The following MAP4K3 variants were observed in gnomAD, a reference collection of about 807,000 sequenced individuals.
MAP4K3 encodes the protein mitogen-activated protein kinase kinase kinase kinase 3, also known as MAPK/ERK kinase kinase kinase 3.
A neutral mutation model predicts 143.5 loss-of-function variants in MAP4K3; 94 were observed. The ratio of observed to expected loss-of-function variants is 0.65; its 90% confidence interval spans 0.55 to 0.78. MAP4K3 has a LOEUF of 0.78. Ranked by LOEUF, MAP4K3 falls within the 30% of genes least tolerant of loss-of-function variation. MAP4K3 has a pLI of 0.00. For missense variants in MAP4K3, 1,077 were observed against 1,068.1 expected, an observed-to-expected ratio of 1.01 and a Z score of -0.12; for synonymous variants, 416 against 347.2, an observed-to-expected ratio of 1.20 and a Z score of -2.20.
intron 24 of MAP4K3, among the ~76,000 whole-genome samples, chr2:39,277,970 A>G (rs927281346): frequency 8.0e-5 from 12 of 150,728 alleles, no homozygotes; most frequent in African/African-American, 2.9e-4. Context: ...AACATGGTGA[A>G]ACCCTATCTC....
chr2:39,427,545 T>C (rs1414397348), intron 1 of MAP4K3, among the ~76,000 whole-genome samples: 1 of 152,026 alleles, frequency 6.6e-6, no homozygotes, highest in Non-Finnish European at 1.5e-5. Flanking sequence ...AACAGTAAGG[T>C]AGTGAATGAA....
chr2:39,389,994 C>T (rs569489397), intron 1 of MAP4K3, among the ~76,000 whole-genome samples: 10 of 152,098 alleles, frequency 6.6e-5, no homozygotes, highest in Admixed American at 2.6e-4. Flanking sequence ...ATACAGTTTG[C>T]GAAGTGGACA....
At chr2:39,373,583 T>C (rs1177847923) in intron 2 of MAP4K3, among the ~76,000 whole-genome samples, 1 of 152,194 alleles carries the variant, frequency 6.6e-6, no homozygotes, top group Admixed American at 6.5e-5. Flanking sequence ...GATACATACG[T>C]ACAATGGAGT....
At chr2:39,435,548 C>T (rs977413725) in intron 1 of MAP4K3, among the ~76,000 whole-genome samples, 1 of 152,202 alleles carries the variant, frequency 6.6e-6, no homozygotes, top group African/African-American at 2.4e-5. Flanking sequence ...ATACCCTAAA[C>T]AGGATCAGGT....
intron 3 of MAP4K3, among the ~76,000 whole-genome samples, chr2:39,352,663 C>T (rs1665493671): frequency 6.6e-6 from 1 of 152,038 alleles, no homozygotes; most frequent in Non-Finnish European, 1.5e-5. Flanking sequence ...TAGGAAAGGT[C>T]TTGTTAAGAA....
Position 39,250,549 on chromosome 2 carries a change from A to T in MAP4K3, c.*69T>A. ...GTTACTGCAGCTTTTGTACAGCTTC[A>T]AGCATCCATTAATGTTGCAGTGGTA... On this transcript the variant is annotated 3_prime_UTR_variant, in exon 34 of 34. Coordinates refer to ENST00000263881, the MANE Select transcript of MAP4K3 (RefSeq NM_003618.4). 1 of 1,394,038 alleles carries T rather than the reference A, an allele frequency of 7.2e-7. No individual in the cohort carries two copies. Among genetic ancestry groups the T allele is most frequent in the Non-Finnish European group, 1.0e-6 (1 of 989,510 alleles). The allele number at this position is 1,394,038 out of a possible 1,614,324, so 86.4% of individuals were successfully genotyped here. A position where few individuals can be genotyped will look rare whatever the true frequency, so the allele number is the denominator to read the frequency against.
At chr2:39,272,162 TTATTA>T in intron 26 of MAP4K3, 116 bp downstream of exon 26, 1 of 717,346 alleles carries the variant, frequency 1.4e-6, no homozygotes, top group South Asian at 2.0e-5. Flanking sequence ...TGTATATTAC[TTATTA>T]TTTTTTCATC....
At chr2:39,402,103 G>A (rs1666968011) in intron 1 of MAP4K3, among the ~76,000 whole-genome samples, 1 of 151,806 alleles carries the variant, frequency 6.6e-6, no homozygotes. Flanking sequence ...ATAGAAACAC[G>A]GACTACGAAA....
At chr2:39,332,054 A>G (rs1683701981) in intron 7 of MAP4K3, 65 bp from the exon 8 acceptor site, 1 of 873,794 alleles carries the variant, frequency 1.1e-6, no homozygotes, top group Non-Finnish European at 1.8e-6. Flanking sequence ...AGGCAACATA[A>G]AAAGAAACTT....
chr2:39,372,580 GA>G (rs1176493107), intron 2 of MAP4K3, among the ~76,000 whole-genome samples: 1 of 151,420 alleles, frequency 6.6e-6, no homozygotes, highest in African/African-American at 2.4e-5. Context: ...CATGCTGCTG[GA>G]AAAACAGATA....
intron 15 of MAP4K3, among the ~76,000 whole-genome samples, chr2:39,301,559 A>C (rs1682511612): frequency 6.6e-6 from 1 of 152,218 alleles, no homozygotes; most frequent in African/African-American, 2.4e-5. Flanking sequence ...CTTTAATCAA[A>C]TGACAGCTTC....
chr2:39,415,539 G>A (rs1379210660), intron 1 of MAP4K3, among the ~76,000 whole-genome samples: 5 of 151,986 alleles, frequency 3.3e-5, no homozygotes, highest in East Asian at 1.9e-4. Flanking sequence ...CTTCAATGAG[G>A]ATCAATCACA....
chr2:39,334,536 G>C (rs1395479175), intron 6 of MAP4K3, among the ~76,000 whole-genome samples: 1 of 152,106 alleles, frequency 6.6e-6, no homozygotes, highest in Non-Finnish European at 1.5e-5. Context: ...GGAATAGTAG[G>C]GGAAGGAGAA....
At chr2:39,369,491 T>C (rs1337348542) in intron 2 of MAP4K3, among the ~76,000 whole-genome samples, 1 of 152,168 alleles carries the variant, frequency 6.6e-6, no homozygotes, top group Non-Finnish European at 1.5e-5. Context: ...ATCATCAGTT[T>C]TCCACTTCTT....
At chr2:39,282,699 A>G (rs1681589998) in intron 21 of MAP4K3, 145 bp from the exon 22 acceptor site, 1 of 615,234 alleles carries the variant, frequency 1.6e-6, no homozygotes, top group Non-Finnish European at 2.8e-6. Context: ...GAAGTTCCCC[A>G]TAATTCTTTC....
chr2:39,256,926 G>C (rs1274873150), intron 31 of MAP4K3, among the ~76,000 whole-genome samples: 1 of 152,202 alleles, frequency 6.6e-6, no homozygotes, highest in Non-Finnish European at 1.5e-5. Context: ...CTTCAGACCT[G>C]TATACTGCTT....
chr2:39,357,939 A>C (rs1665656579), intron 2 of MAP4K3, among the ~76,000 whole-genome samples: 1 of 152,200 alleles, frequency 6.6e-6, no homozygotes, highest in Non-Finnish European at 1.5e-5. Context: ...TGGTTGGAAG[A>C]CAAAAGCTCT....
In MAP4K3 at chr2:39,258,429, T is replaced by A; in HGVS notation, c.2389A>T (p.Ile797Leu). ...TTTAATCTTCCTTGGAGATTTACTA[T>A]TTTTATACAACCTAGAGGAAAAAAA... ...ILVCLDCCIK[I>L]VNLQGRLKSS... The change falls in exon 31 of 34, where the codon ATA becomes TTA. Residue 797 changes from isoleucine (I) to leucine (L), a missense_variant. Coordinates refer to ENST00000263881, the MANE Select transcript of MAP4K3 (RefSeq NM_003618.4). The A allele has an allele frequency of 6.2e-7, 1 of 1,609,684 alleles. No individual in the cohort carries two copies. The highest frequency in any genetic ancestry group is 8.5e-7 in the Non-Finnish European group (1 of 1,176,922).
At chr2:39,331,598 G>C (rs1441088932) in intron 8 of MAP4K3, among the ~76,000 whole-genome samples, 1 of 152,056 alleles carries the variant, frequency 6.6e-6, no homozygotes, top group Non-Finnish European at 1.5e-5. Flanking sequence ...GGTGAAGAAA[G>C]ATATAAAAAC....
Sources: allele counts gnomAD v4.1 joint callset (sites outside exome capture counted in the v4.1 genomes callset), GRCh38; gene constraint gnomAD v4.1.1; transcripts MANE v1.5; gene names NCBI Gene and HGNC (gene_info 2026-07-23, HGNC 2026-07-21).